HYDIN: variants seen among roughly 807,000 people sequenced by gnomAD.
HYDIN encodes axonemal central pair apparatus protein HYDIN.
In HYDIN, 132 loss-of-function variants were observed where a neutral mutation model predicts 403.9. The observed-to-expected ratio is 0.33, with a 90% CI of 0.28 to 0.38. The LOEUF (loss-of-function observed/expected upper bound fraction) is 0.38, where lower values mean the gene tolerates loss of function less well. HYDIN is among the 10% of genes least tolerant of loss of function. HYDIN has a pLI of 1.00. For missense variants in HYDIN, 2,827 were observed against 5,009.5 expected, an observed-to-expected ratio of 0.56 and a Z score of 13.15; for synonymous variants, 1,202 against 1,891.7, an observed-to-expected ratio of 0.64 and a Z score of 9.46.
chr16:71,186,002 G>A (rs1362069371), intron 2 of HYDIN, among the ~76,000 whole-genome samples: 2 of 151,976 alleles, frequency 1.3e-5, no homozygotes, highest in African/African-American at 4.8e-5. Context: ...ACCCAGATAA[G>A]GACAATAAAA....
chr16:71,193,581 T>C (rs2087542398), intron 1 of HYDIN, among the ~76,000 whole-genome samples: 1 of 152,184 alleles, frequency 6.6e-6, no homozygotes, highest in African/African-American at 2.4e-5. Flanking sequence ...AAATTCCTTT[T>C]CTGTAGGGAA....
At chr16:71,191,599 A>G (rs544736208) in intron 1 of HYDIN, among the ~76,000 whole-genome samples, 1 of 152,176 alleles carries the variant, frequency 6.6e-6, no homozygotes, top group African/African-American at 2.4e-5. Context: ...ACAGCAGCCT[A>G]GACTCACAAC....
intron 6 of HYDIN, among the ~76,000 whole-genome samples, chr16:71,157,638 G>C (rs2085827504): frequency 6.6e-6 from 1 of 152,230 alleles, no homozygotes; most frequent in African/African-American, 2.4e-5. Context: ...GCAACTCACA[G>C]AATCAATGAT....
At chr16:70,929,016 G>A (rs1013758228) in intron 45 of HYDIN, among the ~76,000 whole-genome samples, 14 of 151,844 alleles carry the variant, frequency 9.2e-5, no homozygotes, top group South Asian at 2.1e-4. Flanking sequence ...TTTGTTGGGC[G>A]CGGTGGCTCA....
At chr16:70,814,049 A>G (rs1278937131) in intron 84 of HYDIN, among the ~76,000 whole-genome samples, 1 of 148,482 alleles carries the variant, frequency 6.7e-6, no homozygotes, top group African/African-American at 2.5e-5. Flanking sequence ...AAACAGTATG[A>G]GACAATTTAT....
chr16:70,898,676 A>C (rs2143743722), intron 53 of HYDIN, among the ~76,000 whole-genome samples: 1 of 152,282 alleles, frequency 6.6e-6, no homozygotes, highest in Middle Eastern at 3.4e-3. Context: ...GTAGTGGTAA[A>C]TTTTGTGTTC....
chr16:71,025,177 G>T (rs1170968910), intron 21 of HYDIN, among the ~76,000 whole-genome samples: 2 of 152,024 alleles, frequency 1.3e-5, no homozygotes, highest in Non-Finnish European at 2.9e-5. Flanking sequence ...GATGGAAATA[G>T]AATTTCCACA....
chr16:71,200,527 T>G (rs78833142), intron 1 of HYDIN, among the ~76,000 whole-genome samples: 1 of 152,168 alleles, frequency 6.6e-6, no homozygotes, highest in Non-Finnish European at 1.5e-5. Flanking sequence ...GATTGCTTCA[T>G]TTTAGGTATC....
intron 10 of HYDIN, among the ~76,000 whole-genome samples, chr16:71,094,589 A>T (rs533774014): frequency 6.6e-6 from 1 of 152,238 alleles, no homozygotes; most frequent in Non-Finnish European, 1.5e-5. Flanking sequence ...CAGAAATTTT[A>T]TCTCTCACAA....
chr16:71,090,753 C>T (rs2083097008), intron 11 of HYDIN, among the ~76,000 whole-genome samples: 2 of 152,008 alleles, frequency 1.3e-5, no homozygotes, highest in Admixed American at 1.3e-4. Flanking sequence ...GATCCTTCCA[C>T]CTCAGCCTCC....
intron 1 of HYDIN, among the ~76,000 whole-genome samples, chr16:71,196,896 T>C (rs148452707): frequency 4.6e-5 from 7 of 152,262 alleles, no homozygotes; most frequent in African/African-American, 7.2e-5. Context: ...GCATGAATAA[T>C]CCACCCCTTG....
At position 70,807,743 on chromosome 16, in the gene HYDIN, G is replaced by T. The variant is rs749307959; in HGVS notation, c.15203C>A (p.Ser5068Tyr). 35 of 1,614,088 alleles carry T rather than the reference G, an allele frequency of 2.2e-5. No individual in the cohort carries two copies. Among genetic ancestry groups the T allele is most frequent in the Non-Finnish European group, 1.7e-6 (2 of 1,180,042 alleles). Residue 5068 changes from serine to tyrosine, a missense_variant, in exon 86 of 86, where the codon TCT (serine) becomes TAT (tyrosine). Ser to Tyr is a moderately radical substitution (Grantham distance 144, BLOSUM62 -2). Transcript: ENST00000393567. ...GTTGTTGATCTTCTTGGGCCGCACA[G>T]ACTCTCCAGCGCGAATGGTGAAGGC... The part of the protein sequence containing the change: ...NPAFTIRAGE[S>Y]VRPKKINNIT...
At chr16:71,127,851 C>T (rs1382134049) in intron 9 of HYDIN, among the ~76,000 whole-genome samples, 1 of 152,150 alleles carries the variant, frequency 6.6e-6, no homozygotes. Flanking sequence ...TTTTCCATAT[C>T]TCTGGGCTTG....
At chr16:71,179,090 C>T (rs774294709) in intron 3 of HYDIN, 43 bp from the exon 4 acceptor site, 1 of 1,527,494 alleles carries the variant, frequency 6.5e-7, no homozygotes, top group Non-Finnish European at 9.0e-7. Flanking sequence ...CACACATTGA[C>T]AAAAATGACT....
chr16:71,221,711 T>C (rs2089209428), intron 1 of HYDIN, among the ~76,000 whole-genome samples: 1 of 152,142 alleles, frequency 6.6e-6, no homozygotes. Context: ...ACTTCAACAA[T>C]TAGAAAATAA....
chr16:70,903,533 A>G (rs2076450927), intron 52 of HYDIN, 92 bp downstream of exon 52: 1 of 43,006 alleles, frequency 2.3e-5, no homozygotes, highest in South Asian at 6.4e-4. Flanking sequence ...TAAAACCAGG[A>G]GAGTCTGGAG....
At chr16:70,912,945 T>A (rs1168480855) in intron 47 of HYDIN, among the ~76,000 whole-genome samples, 9 of 150,024 alleles carry the variant, frequency 6.0e-5, no homozygotes, top group Admixed American at 6.0e-4. Context: ...CCTTGAATGA[T>A]CTTTTGTATT....
intron 53 of HYDIN, 22 bp downstream of exon 53, chr16:70,900,982 C>A (rs768974871): frequency 1.9e-6 from 1 of 535,454 alleles, no homozygotes; most frequent in Non-Finnish European, 3.3e-6. Context: ...ATAACCAAGT[C>A]TGTGGATGTG....
At chr16:71,223,805 T>C (rs1387779600) in intron 1 of HYDIN, among the ~76,000 whole-genome samples, 2 of 152,044 alleles carry the variant, frequency 1.3e-5, no homozygotes, top group African/African-American at 4.8e-5. Flanking sequence ...AGAATGGCCA[T>C]AATTAAAAAG....
Sources: allele counts gnomAD v4.1 joint callset (sites outside exome capture counted in the v4.1 genomes callset), GRCh38; gene constraint gnomAD v4.1.1; transcripts MANE v1.5; gene names NCBI Gene and HGNC (gene_info 2026-07-23, HGNC 2026-07-21).